The following MCTP2 variants were observed in gnomAD, a reference collection of about 807,000 sequenced individuals.
The protein encoded by MCTP2 is multiple C2 and transmembrane domain containing 2.
In MCTP2, 132 loss-of-function variants were observed where a neutral mutation model predicts 111.6. The ratio of observed to expected loss-of-function variants is 1.18; its 90% confidence interval spans 1.03 to 1.37. The LOEUF (loss-of-function observed/expected upper bound fraction) is 1.37, where lower values mean the gene tolerates loss of function less well. MCTP2 is among the 40% of genes most tolerant of loss of function. MCTP2 has a pLI of 0.00. For synonymous variants in MCTP2, 395 were observed against 387.7 expected (o/e 1.02, Z -0.22); for missense variants, 1,183 against 1,067.9 (o/e 1.11, Z -1.50).
chr15:94,261,899 G>A (rs2073207620), intron 1 of MCTP2, among the ~76,000 whole-genome samples: 1 of 152,094 alleles, frequency 6.6e-6, no homozygotes, highest in South Asian at 2.1e-4. Flanking sequence ...AAACTGTGTG[G>A]TCTGTGTGAG....
chr15:94,370,735 A>T (rs927713810), intron 12 of MCTP2, among the ~76,000 whole-genome samples: 4 of 152,058 alleles, frequency 2.6e-5, no homozygotes, highest in African/African-American at 7.2e-5. Flanking sequence ...TTTGTGCTGG[A>T]TTATGCTCTG....
chr15:94,311,567 C>T (rs1461796757), intron 2 of MCTP2, among the ~76,000 whole-genome samples: 1 of 152,110 alleles, frequency 6.6e-6, no homozygotes, highest in Non-Finnish European at 1.5e-5. Flanking sequence ...TCCTCCTGTG[C>T]ATATGGAACA....
At chr15:94,362,073 G>A (rs997909146) in intron 10 of MCTP2, among the ~76,000 whole-genome samples, 1 of 152,160 alleles carries the variant, frequency 6.6e-6, no homozygotes, top group Admixed American at 6.5e-5. Flanking sequence ...TTGGTGAGAT[G>A]AAGGTGCTTG....
chr15:94,387,727 G>A (rs2080595009), intron 14 of MCTP2, among the ~76,000 whole-genome samples: 1 of 152,194 alleles, frequency 6.6e-6, no homozygotes, highest in African/African-American at 2.4e-5. Context: ...CAAAACAAAA[G>A]CAATATACAG....
At chr15:94,400,816 C>T (rs1033847616) in intron 16 of MCTP2, among the ~76,000 whole-genome samples, 1 of 152,014 alleles carries the variant, frequency 6.6e-6, no homozygotes, top group Non-Finnish European at 1.5e-5. Flanking sequence ...AATATAAAGA[C>T]GTCTTATCAT....
intron 4 of MCTP2, among the ~76,000 whole-genome samples, chr15:94,336,122 C>T (rs2077347982): frequency 5.9e-5 from 9 of 152,198 alleles, no homozygotes. Context: ...ATTATATGTT[C>T]TTCCCTTAAT....
At chr15:94,402,518 AT>A (rs1432527066) in intron 17 of MCTP2, 2 of 1,551,854 alleles carry the variant, frequency 1.3e-6, no homozygotes, top group Non-Finnish European at 1.7e-6. Flanking sequence ...TGTCTATGAA[AT>A]GTACCCTTTT....
At chr15:94,395,976 G>T (rs576554404) in intron 14 of MCTP2, among the ~76,000 whole-genome samples, 10 of 152,272 alleles carry the variant, frequency 6.6e-5, no homozygotes, top group African/African-American at 2.4e-4. Context: ...CTGATGAGGG[G>T]TGTTTGCATT....
intron 17 of MCTP2, among the ~76,000 whole-genome samples, chr15:94,418,161 C>T (rs1242164771): frequency 6.6e-6 from 1 of 152,112 alleles, no homozygotes; most frequent in African/African-American, 2.4e-5. Context: ...GTCACAATTG[C>T]AGCCTAATGT....
chr15:94,273,053 C>T (rs1232992769), intron 1 of MCTP2, among the ~76,000 whole-genome samples: 1 of 152,222 alleles, frequency 6.6e-6, no homozygotes, highest in Non-Finnish European at 1.5e-5. Context: ...CTGTACTTCT[C>T]AGCGAATTAC....
intron 17 of MCTP2, among the ~76,000 whole-genome samples, chr15:94,425,975 T>C (rs193057253): frequency 3.3e-5 from 5 of 152,206 alleles, no homozygotes; most frequent in Admixed American, 6.5e-5. Flanking sequence ...TTCTTTTTTT[T>C]CTTCTGGCTA....
At chr15:94,405,866 A>G (rs1441761444) in intron 17 of MCTP2, among the ~76,000 whole-genome samples, 1 of 152,170 alleles carries the variant, frequency 6.6e-6, no homozygotes, top group African/African-American at 2.4e-5. Flanking sequence ...ACTTAGTTAT[A>G]TTAAATTAAG....
chr15:94,244,095 CACATACATAT>C (rs2071457522), intron 1 of MCTP2, among the ~76,000 whole-genome samples: 1 of 54,082 alleles, frequency 1.8e-5, no homozygotes, highest in African/African-American at 6.5e-5. Flanking sequence ...CATATGTATA[CACATACATAT>C]GTGTATATGT....
chr15:94,310,717 T>C (rs1216044485), intron 2 of MCTP2, among the ~76,000 whole-genome samples: 3 of 150,672 alleles, frequency 2.0e-5, no homozygotes, highest in Non-Finnish European at 3.0e-5. Flanking sequence ...TAACATAAAA[T>C]AATATATAAT....
chr15:94,319,669 T>C (rs1035896676), intron 4 of MCTP2, among the ~76,000 whole-genome samples: 4 of 152,222 alleles, frequency 2.6e-5, no homozygotes, highest in African/African-American at 9.6e-5. Flanking sequence ...GTTTCAACTC[T>C]TGATTATGTT....
At chr15:94,429,989 C>G (rs910591796) in intron 17 of MCTP2, among the ~76,000 whole-genome samples, 1 of 152,208 alleles carries the variant, frequency 6.6e-6, no homozygotes, top group African/African-American at 2.4e-5. Context: ...CTATTTGCAA[C>G]TCCTCTGTCC....
intron 4 of MCTP2, among the ~76,000 whole-genome samples, chr15:94,335,037 T>C (rs969690026): frequency 6.6e-6 from 1 of 152,192 alleles, no homozygotes; most frequent in Non-Finnish European, 1.5e-5. Context: ...AAACCTTGAG[T>C]AGGTCCTTCT....
chr15:94,253,055 CTT>C lies in MCTP2; in HGVS notation c.-66+21394_-66+21395del, dbSNP rs559063739. Among the ~76,000 whole-genome samples, 3 of 152,272 alleles carry C rather than the reference CTT, an allele frequency of 2.0e-5. 1 individual carries two copies. In the East Asian group the frequency reaches 5.8e-4, roughly 29 times the overall value. On this transcript the variant is annotated intron_variant, in intron 1 of 22. Transcript: ENST00000357742. ...GGGCACCTCTGCTTCCCTCAGCTGA[CTT>C]TTCTGCAACATTTGCAATTGTTGCT...
chr15:94,369,961 A>ATTT, intron 11 of MCTP2, 126 bp from the exon 12 acceptor site: 1 of 521,286 alleles, frequency 1.9e-6, no homozygotes, highest in Non-Finnish European at 3.2e-6. Flanking sequence ...ATTTTTGGGG[A>ATTT]TTTTTTTTTA....
Sources: gnomAD v4.1 joint callset for allele counts (sites outside exome capture counted in the v4.1 genomes callset) on GRCh38, gnomAD v4.1.1 for gene constraint, MANE v1.5 for transcripts, NCBI Gene and HGNC (gene_info 2026-07-23, HGNC 2026-07-21) for gene names.